Variants in LHX4 observed in about 807,000 individuals in gnomAD.
The protein encoded by LHX4 is LIM homeobox 4, also known as LIM/homeobox protein Lhx4.
Under a neutral mutation model 39.2 loss-of-function variants are expected in LHX4, and 16 were observed. The ratio of observed to expected loss-of-function variants is 0.41; its 90% CI spans 0.28 to 0.62. The LOEUF (loss-of-function observed/expected upper bound fraction) is 0.62. LHX4 is among the 20% of genes least tolerant of loss of function. The pLI is 0.33. For synonymous variants in LHX4, 206 were observed against 198.1 expected, an observed-to-expected ratio of 1.04 and a Z score of -0.33; for missense variants, 439 against 511.9, an observed-to-expected ratio of 0.86 and a Z score of 1.37.
intron 2 of LHX4, among the ~76,000 whole-genome samples, chr1:180,255,198 G>A (rs761862417): frequency 6.6e-6 from 1 of 152,274 alleles, no homozygotes; most frequent in Non-Finnish European, 1.5e-5. Flanking sequence ...GTGCCCTGTT[G>A]CCCCAGAAAG....
At chr1:180,242,950 G>A (rs1341022107) in intron 1 of LHX4, among the ~76,000 whole-genome samples, 1 of 152,072 alleles carries the variant, frequency 6.6e-6, no homozygotes, top group Non-Finnish European at 1.5e-5. Flanking sequence ...TGAGCTTATT[G>A]GGGATTTGGA....
At chr1:180,261,471 T>C (rs1648111010) in intron 2 of LHX4, among the ~76,000 whole-genome samples, 2 of 152,050 alleles carry the variant, frequency 1.3e-5, no homozygotes, top group African/African-American at 4.8e-5. Flanking sequence ...GGCAACATAG[T>C]AGGACCCAAT....
At chr1:180,249,924 A>T (rs953617812) in intron 2 of LHX4, among the ~76,000 whole-genome samples, 10 of 150,512 alleles carry the variant, frequency 6.6e-5, no homozygotes, top group Admixed American at 4.0e-4. Context: ...TGTGTGTGAG[A>T]GTGTGTGTGG....
At position 180,266,336 on chromosome 1, in the gene LHX4, G is replaced by A; in HGVS notation, c.249-56G>A. 2 of 1,578,972 alleles carry A rather than the reference G, an allele frequency of 1.3e-6. No individual in the cohort carries two copies. Among genetic ancestry groups the A allele is most frequent in the East Asian group, 2.2e-5 (1 of 44,724 alleles). On this transcript the variant is annotated intron_variant, in intron 2 of 5. Coordinates refer to ENST00000263726, the MANE Select transcript of LHX4 (RefSeq NM_033343.4). The surrounding 1 kb of genome is among the most constrained non-coding windows in gnomAD (Gnocchi z 5.7). ...AGGGAGGCTGCTCCAGGAAGTTGGG[G>A]GAAGCCAGATCCCTTGCTCCCTGTG...
chr1:180,254,462 G>A (rs578167093), intron 2 of LHX4, among the ~76,000 whole-genome samples: 1 of 152,360 alleles, frequency 6.6e-6, no homozygotes, highest in African/African-American at 2.4e-5. Context: ...GTCCTTGGGA[G>A]CCCGGGAGCT....
At chr1:180,228,735 AAGCAGCGCAGACGACC>A (rs1175255959), upstream of LHX4, among the ~76,000 whole-genome samples, 2 of 152,136 alleles carry the variant, frequency 1.3e-5, no homozygotes, top group African/African-American at 4.8e-5. Flanking sequence ...GACAAATTCT[AAGCAGCGCAGACGACC>A]AGGCCATTCT....
At chr1:180,250,585 C>A (rs984473420) in intron 2 of LHX4, among the ~76,000 whole-genome samples, 1 of 152,202 alleles carries the variant, frequency 6.6e-6, no homozygotes, top group African/African-American at 2.4e-5. Context: ...GACCTCAGAC[C>A]CCACTGGTTT....
In LHX4 at chr1:180,271,978, G is replaced by A; in HGVS notation, c.750G>A (p.Gly250=). ...AGGAGAGCTCTGCAGAGGACTGTGGGGTTAGTGACAGTGAGCTGAGCTTCC... is the reference window on the plus strand; with the variant it reads ...AGGAGAGCTCTGCAGAGGACTGTGGAGTTAGTGACAGTGAGCTGAGCTTCC... ...QEKESSAEDC[G]VSDSELSFRE... Residue 250 remains glycine (G), a synonymous_variant, in exon 5 of 6, where the codon GGG becomes GGA. Transcript: ENST00000263726. 1 of 1,612,970 alleles carries A rather than the reference G, an allele frequency of 6.2e-7. No homozygotes were observed. The highest frequency in any genetic ancestry group is 8.5e-7 in the Non-Finnish European group (1 of 1,179,774).
chr1:180,248,482 G>T, intron 2 of LHX4, 26 bp downstream of exon 2: 1 of 1,612,880 alleles, frequency 6.2e-7, no homozygotes, highest in South Asian at 1.1e-5. Flanking sequence ...CCGTCTCGTG[G>T]CCCTGGCCTG....
At chr1:180,247,098 A>G (rs1218976309) in intron 1 of LHX4, among the ~76,000 whole-genome samples, 1 of 152,186 alleles carries the variant, frequency 6.6e-6, no homozygotes, top group Non-Finnish European at 1.5e-5. Flanking sequence ...CACAGGGGAA[A>G]ATGGCTAGAG....
At chr1:180,271,159 A>G (rs1648629309) in intron 3 of LHX4, 2 of 611,748 alleles carry the variant, frequency 3.3e-6, no homozygotes, top group South Asian at 1.8e-5. Flanking sequence ...GAGCAGAGAA[A>G]GGACTGCTGT....
At chr1:180,243,718 A>C (rs1208874276) in intron 1 of LHX4, among the ~76,000 whole-genome samples, 2 of 152,052 alleles carry the variant, frequency 1.3e-5, no homozygotes, top group Non-Finnish European at 2.9e-5. Flanking sequence ...GACATTAGGC[A>C]TCCATCCCAT....
At position 180,274,546 on chromosome 1, in the gene LHX4, T is replaced by C; in HGVS notation, c.1140T>C (p.Ser380=). 2 of 1,595,810 alleles carry C rather than the reference T, an allele frequency of 1.3e-6. No homozygotes were observed. Among genetic ancestry groups the C allele is most frequent in the Admixed American group, 1.7e-5 (1 of 59,666 alleles). Reference sequence around the variant, plus strand: ...CCGACTTTCCAACTAGCCCAGGCTCTTGGCTCGATGAAATGGATCATCCTC... The same window carrying C: ...CCGACTTTCCAACTAGCCCAGGCTCCTGGCTCGATGAAATGGATCATCCTC... The part of the protein sequence containing the change: ...GYPDFPTSPG[S]WLDEMDHPPF Residue 380 remains serine (S), a synonymous_variant, in exon 6 of 6, where the codon TCT becomes TCC. Transcript: ENST00000263726.
rs544559574 is a variant in LHX4 at position 180,234,982 on chromosome 1, G to T, written c.76+4377G>T. 5.3e-5 allele frequency among the ~76,000 whole-genome samples: 8 copies of T among 152,340 alleles called. No individual in the cohort carries two copies. The East Asian group carries it at 1.6e-3, about 30-fold the overall frequency. On this transcript the variant is annotated intron_variant, in intron 1 of 5. Transcript: ENST00000263726. This position sits in a 1 kb window ranked among gnomAD's most constrained non-coding sequence, Gnocchi z 4.8. ...AATGAGCGTTTGCTGCGCACCCATG[G>T]GCGGCTCACGATCCTGGGCACTCGC... is the stretch of plus-strand genomic sequence containing the variant.
intron 1 of LHX4, among the ~76,000 whole-genome samples, chr1:180,239,873 C>T (rs1445114992): frequency 1.3e-5 from 2 of 152,164 alleles, no homozygotes; most frequent in Non-Finnish European, 2.9e-5. Context: ...CAGACACAGC[C>T]GCCCCTGGGA....
At chr1:180,243,840 C>T (rs988073775) in intron 1 of LHX4, among the ~76,000 whole-genome samples, 1 of 152,144 alleles carries the variant, frequency 6.6e-6, no homozygotes, top group African/African-American at 2.4e-5. Context: ...TCCCTTGTTG[C>T]TGTACATGGA....
At chr1:180,274,034 G>A (rs1648861607) in intron 5 of LHX4, 151 bp from the exon 6 acceptor site, 6 of 884,490 alleles carry the variant, frequency 6.8e-6, no homozygotes, top group Non-Finnish European at 1.1e-5. Flanking sequence ...ATATCAGGCT[G>A]CCATATTGGT....
Position 180,232,724 on chromosome 1 carries a change from G to A in LHX4, c.76+2119G>A, listed in dbSNP as rs117478288. Among the ~76,000 whole-genome samples, 100 of 152,346 alleles carry A rather than the reference G, an allele frequency of 6.6e-4. 3 individuals carry two copies. In the East Asian group the frequency reaches 0.018, roughly 28 times the overall value. On this transcript the variant is annotated intron_variant, in intron 1 of 5. Transcript: ENST00000263726. This position sits in a 1 kb window ranked among gnomAD's most constrained non-coding sequence, Gnocchi z 5.4. ...TGTAGCCTCCCTTGCAGCACATCTG[G>A]CCTCTGGCTGTTAGGCTGTTGGTGC...
In LHX4 at chr1:180,230,603, A is replaced by C. The variant is rs776000791; in HGVS notation, c.74A>C (p.Gln25Pro). 1 of 1,612,784 alleles carries C rather than the reference A, an allele frequency of 6.2e-7. No individual in the cohort carries two copies. The highest frequency in any genetic ancestry group is 8.5e-7 in the Non-Finnish European group (1 of 1,179,066). ...GLPEMLGVPM[Q>P]QIPQCAGCNQ... ...CCGGAGATGCTAGGTGTGCCGATGC[A>C]ACGTAAGACACCCCCCTTTCTCGCT... The change falls in exon 1 of 6, where the codon CAA (glutamine) becomes CCA (proline). Residue 25 changes from glutamine to proline, a missense_variant and splice_region_variant. Gln to Pro is a moderately conservative substitution (Grantham distance 76). Transcript: ENST00000263726. This position sits in a 1 kb window ranked among gnomAD's most constrained non-coding sequence, Gnocchi z 5.8.
Sources: gnomAD v4.1 joint callset for allele counts (sites outside exome capture counted in the v4.1 genomes callset) on GRCh38, gnomAD v4.1.1 for gene constraint, Gnocchi (gnomAD v3.1) non-coding constraint, MANE v1.5 for transcripts, NCBI Gene and HGNC (gene_info 2026-07-23, HGNC 2026-07-21) for gene names.